MAST4: variants seen among roughly 807,000 people sequenced by gnomAD.
MAST4 encodes microtubule-associated serine/threonine-protein kinase 4.
In MAST4, 89 loss-of-function variants were observed where a neutral mutation model predicts 162.7. The ratio of observed to expected loss-of-function variants is 0.55; its 90% CI spans 0.46 to 0.65. The LOEUF (loss-of-function observed/expected upper bound fraction) is 0.65, where lower values mean the gene tolerates loss of function less well. Ranked by LOEUF, MAST4 falls within the 30% of genes least tolerant of loss-of-function variation. The pLI is 0.00. For synonymous variants in MAST4, 1,479 were observed against 1,361.1 expected, an observed-to-expected ratio of 1.09 and a Z score of -1.91; for missense variants, 3,153 against 3,374.0, an observed-to-expected ratio of 0.93 and a Z score of 1.62.
At chr5:67,042,883 T>A (rs1162839133) in intron 4 of MAST4, among the ~76,000 whole-genome samples, 1 of 152,252 alleles carries the variant, frequency 6.6e-6, no homozygotes, top group Non-Finnish European at 1.5e-5. Flanking sequence ...CGGTTTCTTA[T>A]ATTTGTATGT....
chr5:67,049,020 T>TATATATATATATAC (rs1561576121), intron 4 of MAST4, among the ~76,000 whole-genome samples: 1 of 102,924 alleles, frequency 9.7e-6, no homozygotes, highest in African/African-American at 4.1e-5. Context: ...TATATATATA[T>TATATATATATATAC]ACGTATATAT....
intron 4 of MAST4, among the ~76,000 whole-genome samples, chr5:67,051,225 G>T (rs1758143142): frequency 6.6e-6 from 1 of 151,664 alleles, no homozygotes; most frequent in South Asian, 2.1e-4. Flanking sequence ...AGTTGTGCTG[G>T]TGAAAAGGAA....
At chr5:66,734,602 G>A (rs943536309) in intron 1 of MAST4, among the ~76,000 whole-genome samples, 5 of 152,166 alleles carry the variant, frequency 3.3e-5, no homozygotes, top group African/African-American at 1.2e-4. Context: ...ACTTTATAGA[G>A]TATTGCTGTC....
intron 4 of MAST4, chr5:66,963,939 C>T (rs1464615122): frequency 2.8e-6 from 2 of 723,912 alleles, no homozygotes; most frequent in African/African-American, 1.7e-5. Flanking sequence ...TACTTGATCA[C>T]TTACTCTATT....
intron 4 of MAST4, among the ~76,000 whole-genome samples, chr5:67,024,386 A>G (rs550591063): frequency 8.8e-4 from 128 of 145,854 alleles, no homozygotes; most frequent in African/African-American, 3.3e-3. Context: ...TACACACACG[A>G]TATATATCTA....
At chr5:66,632,954 G>A (rs926039406) in intron 1 of MAST4, among the ~76,000 whole-genome samples, 8 of 152,034 alleles carry the variant, frequency 5.3e-5, no homozygotes, top group Non-Finnish European at 8.8e-5. Flanking sequence ...GTGCAAATGA[G>A]TTTGAATTTT....
At chr5:67,009,171 A>C (rs1752381533) in intron 4 of MAST4, among the ~76,000 whole-genome samples, 1 of 147,468 alleles carries the variant, frequency 6.8e-6, no homozygotes, top group African/African-American at 2.5e-5. Flanking sequence ...AGAAGTATTT[A>C]CAAGGTACAT....
At chr5:66,771,190 T>C (rs1033204142) in intron 2 of MAST4, among the ~76,000 whole-genome samples, 5 of 152,026 alleles carry the variant, frequency 3.3e-5, no homozygotes, top group African/African-American at 4.8e-5. Flanking sequence ...TTCTTTCTTT[T>C]TTTTTTTTAT....
rs369828301 is a variant in MAST4 at position 66,817,430 on chromosome 5, C to T, written c.642+28636C>T. Among the ~76,000 whole-genome samples, 8 of 152,086 alleles carry T rather than the reference C, an allele frequency of 5.3e-5. No homozygotes were observed. The East Asian group carries it at 1.3e-3, about 26-fold the overall frequency. Reference sequence around the variant, plus strand: ...AATATGTTCTGTTGTGTGGTATTAGCTTGAGTCACAAAAGCCAGCTTTAGA... The same window carrying T: ...AATATGTTCTGTTGTGTGGTATTAGTTTGAGTCACAAAAGCCAGCTTTAGA... On this transcript the variant is annotated intron_variant, in intron 3 of 28. Transcript: ENST00000403625.
chr5:66,962,819 T>A (rs2150164799), intron 4 of MAST4, among the ~76,000 whole-genome samples: 1 of 152,364 alleles, frequency 6.6e-6, no homozygotes, highest in South Asian at 2.1e-4. Context: ...ACTTAGCTAA[T>A]TTTTACTTTG....
chr5:66,950,663 C>A (rs1423773867), intron 4 of MAST4, among the ~76,000 whole-genome samples: 2 of 152,104 alleles, frequency 1.3e-5, no homozygotes, highest in Non-Finnish European at 2.9e-5. Context: ...ATGGGTAATA[C>A]CACATTTTGC....
chr5:67,078,917 T>TATATATATATAATATATATATATATATA (rs1554093895), intron 5 of MAST4, among the ~76,000 whole-genome samples: 77 of 55,078 alleles, frequency 1.4e-3, no homozygotes, highest in African/African-American at 7.5e-3. Flanking sequence ...TATAAATATA[T>TATATATATATAATATATATATATATATA]ATATATATAT....
intron 1 of MAST4, among the ~76,000 whole-genome samples, chr5:66,700,124 G>T (rs1216009575): frequency 6.6e-6 from 1 of 152,176 alleles, no homozygotes; most frequent in African/African-American, 2.4e-5. Context: ...CTCCCTTGAG[G>T]CATAATAAGG....
At chr5:66,654,405 T>G (rs537527640) in intron 1 of MAST4, among the ~76,000 whole-genome samples, 13 of 152,024 alleles carry the variant, frequency 8.6e-5, no homozygotes, top group Non-Finnish European at 1.9e-4. Context: ...AGTAGCTTCA[T>G]AAAAGGTCTG....
At chr5:67,090,019 T>G in intron 5 of MAST4, 143 bp from the exon 6 acceptor site, 1 of 438,356 alleles carries the variant, frequency 2.3e-6, no homozygotes, top group Admixed American at 2.7e-5. Flanking sequence ...CCACCATCCC[T>G]GGTCCAGGTA....
At chr5:66,680,876 G>T (rs1209032610) in intron 1 of MAST4, among the ~76,000 whole-genome samples, 1 of 152,168 alleles carries the variant, frequency 6.6e-6, no homozygotes, top group East Asian at 1.9e-4. Flanking sequence ...CCTGGAGCAA[G>T]CGCACCCGAA....
chr5:66,821,230 A>T (rs900072606), intron 3 of MAST4, among the ~76,000 whole-genome samples: 1 of 152,242 alleles, frequency 6.6e-6, no homozygotes, highest in African/African-American at 2.4e-5. Flanking sequence ...TGGAAGGCAG[A>T]CTGCCGCTTG....
intron 4 of MAST4, among the ~76,000 whole-genome samples, chr5:66,974,432 G>A (rs553467088): frequency 6.6e-6 from 1 of 152,202 alleles, no homozygotes. Flanking sequence ...AGATGAATCA[G>A]ACTGACTGCA....
chr5:66,951,661 C>T (rs570766126), intron 4 of MAST4, among the ~76,000 whole-genome samples: 2 of 135,496 alleles, frequency 1.5e-5, no homozygotes, highest in East Asian at 4.2e-4. Flanking sequence ...TGTATTTTTT[C>T]CCACTGATGA....
Sources: allele counts gnomAD v4.1 joint callset (sites outside exome capture counted in the v4.1 genomes callset), GRCh38; gene constraint gnomAD v4.1.1; transcripts MANE v1.5; gene names NCBI Gene and HGNC (gene_info 2026-07-23, HGNC 2026-07-21).